Variants in PKIG observed in about 807,000 individuals in gnomAD.
PKIG encodes the protein cAMP-dependent protein kinase inhibitor gamma, also known as protein kinase (cAMP-dependent, catalytic) inhibitor gamma.
PKIG carries 1 observed loss-of-function variant against 6.8 expected under a neutral mutation model. That is an observed-to-expected ratio of 0.15 (90% CI 0.05 to 0.69). The LOEUF (loss-of-function observed/expected upper bound fraction) is 0.69, where lower values mean the gene tolerates loss of function less well. Among genes scored for constraint, PKIG ranks in the 30% least tolerant of loss-of-function variants. PKIG has a pLI of 0.82. For missense variants in PKIG, 77 were observed against 104.0 expected (o/e 0.74, Z 1.13); for synonymous variants, 39 against 43.0 (o/e 0.91, Z 0.36).
At chr20:44,568,494 T>G (rs2064828532) in intron 1 of PKIG, among the ~76,000 whole-genome samples, 1 of 151,718 alleles carries the variant, frequency 6.6e-6, no homozygotes, top group Non-Finnish European at 1.5e-5. Context: ...TGAGACAAAG[T>G]CTTACTCTGT....
chr20:44,587,284 G>A (rs539556612), intron 1 of PKIG, among the ~76,000 whole-genome samples: 1 of 152,304 alleles, frequency 6.6e-6, no homozygotes, highest in East Asian at 1.9e-4. Flanking sequence ...GCATATTGTG[G>A]AGGTCCTGAT....
chr20:44,550,190 C>T (rs1049099093), intron 1 of PKIG, among the ~76,000 whole-genome samples: 2 of 147,958 alleles, frequency 1.4e-5, no homozygotes, highest in Non-Finnish European at 1.5e-5. Flanking sequence ...CTCACACAAG[C>T]GTTGTTAGAT....
At position 44,545,001 on chromosome 20, in the gene PKIG, T is replaced by C. The variant is rs193003885; in HGVS notation, c.-241+13023T>C. Among the ~76,000 whole-genome samples the C allele has an allele frequency of 6.7e-5, 9 of 135,004 alleles. No individual in the cohort carries two copies. The Admixed American group carries it at 7.1e-4, about 11-fold the overall frequency. The allele number at this position is 135,004 out of a possible 152,430, so 88.6% of individuals were successfully genotyped here. ...CCTGAGCTGGAGTACGGTGGCACAATCTTGGTTCACTACAACCTCCACCTC... is the reference window on the plus strand; with the variant it reads ...CCTGAGCTGGAGTACGGTGGCACAACCTTGGTTCACTACAACCTCCACCTC... On this transcript the variant is annotated intron_variant, in intron 1 of 4. Coordinates refer to the PKIG transcript ENST00000372887.
chr20:44,615,029 C>T (rs1054535280), intron 3 of PKIG, among the ~76,000 whole-genome samples: 44 of 152,070 alleles, frequency 2.9e-4, no homozygotes, highest in African/African-American at 9.9e-4. Context: ...CTGACTTTAG[C>T]GGCCGGCTTC....
chr20:44,549,454 CA>C (rs1403583678), intron 1 of PKIG, among the ~76,000 whole-genome samples: 1 of 151,992 alleles, frequency 6.6e-6, no homozygotes, highest in Admixed American at 6.6e-5. Flanking sequence ...TGTTTCTTTT[CA>C]AAAGCTCCCG....
chr20:44,617,495 G>C (rs1163336229), intron 3 of PKIG, among the ~76,000 whole-genome samples: 1 of 152,152 alleles, frequency 6.6e-6, no homozygotes, highest in Non-Finnish European at 1.5e-5. Flanking sequence ...GGAGCTGCCT[G>C]TCCCACCTTG....
chr20:44,608,799 CA>C (rs767428815), intron 2 of PKIG, among the ~76,000 whole-genome samples: 28 of 15,320 alleles, frequency 1.8e-3, no homozygotes, highest in Non-Finnish European at 1.7e-3. Flanking sequence ...GACCCTGTCT[CA>C]AAAAAAAAAA....
chr20:44,566,940 G>A (rs960924085), intron 1 of PKIG, among the ~76,000 whole-genome samples: 5 of 152,140 alleles, frequency 3.3e-5, no homozygotes, highest in African/African-American at 9.7e-5. Flanking sequence ...ACATGAATAG[G>A]CATGTTCCAT....
chr20:44,583,811 G>A (rs1430587843), intron 1 of PKIG, among the ~76,000 whole-genome samples: 3 of 152,138 alleles, frequency 2.0e-5, no homozygotes, highest in Non-Finnish European at 4.4e-5. Flanking sequence ...GGGCCCTTAT[G>A]GCTTTAGGAG....
At chr20:44,554,967 A>T (rs1339736450) in intron 1 of PKIG, among the ~76,000 whole-genome samples, 1 of 152,188 alleles carries the variant, frequency 6.6e-6, no homozygotes, top group African/African-American at 2.4e-5. Flanking sequence ...GGTATTAAAA[A>T]TTGTTACGGT....
chr20:44,560,850 C>T (rs1402417598), intron 1 of PKIG, among the ~76,000 whole-genome samples: 2 of 152,122 alleles, frequency 1.3e-5, no homozygotes, highest in African/African-American at 4.8e-5. Flanking sequence ...TCAAAATAGT[C>T]CTCTAAATAA....
rs78070462 is a variant in PKIG at position 44,565,025 on chromosome 20, C to T, written c.-240-17560C>T. Among the ~76,000 whole-genome samples, 1,470 of 152,302 alleles carry T rather than the reference C, an allele frequency of 9.7e-3. 11 individuals are homozygous for T. Among genetic ancestry groups the T allele is most frequent in the Non-Finnish European group, 0.017 (1,177 of 68,026 alleles). ...TCATTAGGACGTGTTGACCTTGATACGAATACTACTATGCTACTTGTTCTT... is the reference window on the plus strand; with the variant it reads ...TCATTAGGACGTGTTGACCTTGATATGAATACTACTATGCTACTTGTTCTT... On this transcript the variant is annotated intron_variant, in intron 1 of 4. Coordinates refer to the PKIG transcript ENST00000372887.
At chr20:44,563,585 A>G (rs768717234) in intron 1 of PKIG, among the ~76,000 whole-genome samples, 5 of 152,204 alleles carry the variant, frequency 3.3e-5, no homozygotes, top group Non-Finnish European at 7.3e-5. Flanking sequence ...GCTAGAGTAC[A>G]GTGGCATAAT....
chr20:44,597,665 C>T (rs1406034159), intron 2 of PKIG, among the ~76,000 whole-genome samples: 1 of 152,234 alleles, frequency 6.6e-6, no homozygotes, highest in Non-Finnish European at 1.5e-5. Context: ...AACAGTCCAT[C>T]TGGATCACTG....
chr20:44,582,085 C>G (rs1189112098), upstream of PKIG, among the ~76,000 whole-genome samples: 1 of 152,122 alleles, frequency 6.6e-6, no homozygotes, highest in Non-Finnish European at 1.5e-5. Context: ...CATCACCTCC[C>G]CTACATGAAG....
chr20:44,615,237 C>T lies in PKIG; in HGVS notation c.151+530C>T, dbSNP rs538607877. On this transcript the variant is annotated intron_variant, in intron 3 of 3. Transcript: ENST00000372886. ...GGCCGGGCCCTGCCCAAGTCTCACC[C>T]GGTGCCACTCCTCTCCCTGACACCC... 3.3e-5 allele frequency among the ~76,000 whole-genome samples: 5 copies of T among 152,336 alleles called. No homozygotes were observed. The East Asian group carries it at 9.6e-4, about 29-fold the overall frequency.
chr20:44,603,461 A>G (rs1010802916), intron 2 of PKIG, among the ~76,000 whole-genome samples: 2 of 152,116 alleles, frequency 1.3e-5, no homozygotes, highest in African/African-American at 4.8e-5. Context: ...GGTAAACAAC[A>G]AAGCTGGGCT....
chr20:44,562,232 A>G (rs1049892579), intron 1 of PKIG, among the ~76,000 whole-genome samples: 2 of 152,216 alleles, frequency 1.3e-5, no homozygotes, highest in African/African-American at 4.8e-5. Context: ...TGATTCTTAG[A>G]AAAGATTAAT....
At chr20:44,533,362 T>A (rs374467030) in intron 1 of PKIG, among the ~76,000 whole-genome samples, 1 of 152,332 alleles carries the variant, frequency 6.6e-6, no homozygotes, top group East Asian at 1.9e-4. Flanking sequence ...CATCTTCTTC[T>A]ATGTGCAAGG....
Sources: gnomAD v4.1 joint callset for allele counts (sites outside exome capture counted in the v4.1 genomes callset) on GRCh38, gnomAD v4.1.1 for gene constraint, MANE v1.5 for transcripts, NCBI Gene and HGNC (gene_info 2026-07-23, HGNC 2026-07-21) for gene names.